ZNF773: variants seen among roughly 807,000 people sequenced by gnomAD.
ZNF773 encodes zinc finger protein 419B.
ZNF773 carries 11 observed loss-of-function variants against 12.8 expected under a neutral mutation model. The ratio of observed to expected loss-of-function variants is 0.86; its 90% confidence interval spans 0.54 to 1.42. ZNF773 has a LOEUF of 1.42. Among genes scored for constraint, ZNF773 ranks in the 40% most tolerant of loss-of-function variants. The pLI, the probability that ZNF773 is intolerant of heterozygous loss-of-function variation, is 0.00. For synonymous variants in ZNF773, 175 were observed against 178.4 expected (o/e 0.98, Z 0.15); for missense variants, 518 against 527.2 (o/e 0.98, Z 0.17).
chr19:57,511,287 G>A (rs1273898420), downstream of ZNF773, among the ~76,000 whole-genome samples: 2 of 152,090 alleles, frequency 1.3e-5, no homozygotes, highest in African/African-American at 2.4e-5. Flanking sequence ...TCCTGACCTC[G>A]TGATCTGCCC....
downstream of ZNF773, among the ~76,000 whole-genome samples, chr19:57,511,472 T>C (rs538318843): frequency 3.9e-5 from 6 of 152,292 alleles, no homozygotes; most frequent in East Asian, 1.9e-4. Context: ...CAGAAGAGAA[T>C]AGAGAACCCG....
chr19:57,507,811 A>G lies in ZNF773; in HGVS notation c.*387A>G, dbSNP rs1242312833. 3.1e-6 allele frequency: 2 copies of G among 646,240 alleles called. No individual in the cohort carries two copies. Among genetic ancestry groups the G allele is most frequent in the Non-Finnish European group, 2.0e-6 (1 of 511,428 alleles). The allele number at this position is 646,240 out of a possible 1,614,324, so 40.0% of individuals were successfully genotyped here. On this transcript the variant is annotated 3_prime_UTR_variant, in exon 4 of 4. Transcript: ENST00000282292. The stretch of plus-strand genomic sequence containing the variant: ...AACACAATGAAACCACATCTCTACT[A>G]AAAATACAAAAATTTACTGGGCATG...
chr19:57,511,862 G>A (rs2089798582), downstream of ZNF773, among the ~76,000 whole-genome samples: 1 of 144,486 alleles, frequency 6.9e-6, no homozygotes, highest in South Asian at 2.1e-4. Context: ...AGCAAAAACA[G>A]CATAGATAAA....
At chr19:57,500,684 C>G (rs2089659509) in intron 1 of ZNF773, among the ~76,000 whole-genome samples, 1 of 152,122 alleles carries the variant, frequency 6.6e-6, no homozygotes, top group African/African-American at 2.4e-5. Context: ...AAGAGCCATT[C>G]TGGATTTTTA....
chr19:57,511,973 A>G (rs1568583883), downstream of ZNF773, among the ~76,000 whole-genome samples: 3 of 152,210 alleles, frequency 2.0e-5, no homozygotes, highest in Non-Finnish European at 4.4e-5. Context: ...AGAGTAAAAG[A>G]ATGCAGATCA....
chr19:57,517,954 T>C (rs1487057149), downstream of ZNF773: 1 of 153,532 alleles, frequency 6.5e-6, no homozygotes, highest in Non-Finnish European at 1.5e-5. Flanking sequence ...AATAATGTTA[T>C]TATGTTTCTG....
downstream of ZNF773, among the ~76,000 whole-genome samples, chr19:57,510,877 A>T (rs1455742975): frequency 2.7e-5 from 4 of 149,922 alleles, no homozygotes; most frequent in Admixed American, 6.7e-5. Context: ...TGAATCTGAG[A>T]TTTAATATTT....
chr19:57,514,345 T>A (rs2089818715), downstream of ZNF773: 1 of 152,228 alleles, frequency 6.6e-6, no homozygotes, highest in African/African-American at 2.4e-5. Flanking sequence ...TCAGGGGACA[T>A]TAATTGGCTG....
At chr19:57,506,259 TCC>T (rs1354806768) in intron 3 of ZNF773, 97 bp from the exon 4 acceptor site, 1 of 1,526,438 alleles carries the variant, frequency 6.6e-7, no homozygotes, top group African/African-American at 1.4e-5. Flanking sequence ...CTGCAAGCAG[TCC>T]CACACGCTAA....
intron 1 of ZNF773, among the ~76,000 whole-genome samples, chr19:57,501,186 A>G (rs546651948): frequency 6.4e-4 from 97 of 152,214 alleles, no homozygotes; most frequent in African/African-American, 2.2e-3. Flanking sequence ...CTGCTCCAGT[A>G]GAAGGGAGGG....
rs1238841318 is a variant in ZNF773, at chr19:57,504,778, C to A, written c.155C>A (p.Ala52Asp). The change falls in exon 2 of 4, where the codon GCC becomes GAC. Residue 52 changes from alanine (A) to aspartate (D), a missense_variant. By Grantham distance (126) the Ala-to-Asp change is moderately radical (BLOSUM62 -2). Transcript: ENST00000282292. ...NVMLENFTLL[A>D]SLGLASSKTH... ...ATGCTGGAGAACTTTACACTTCTGGCCTCTCTGGGTAAGGTTCTCACACCC... is the reference window on the plus strand; with the variant it reads ...ATGCTGGAGAACTTTACACTTCTGGACTCTCTGGGTAAGGTTCTCACACCC... 5 of 1,613,170 alleles carry A rather than the reference C, an allele frequency of 3.1e-6. No individual in the cohort carries two copies. The highest frequency in any genetic ancestry group is 4.2e-6 in the Non-Finnish European group (5 of 1,179,740).
chr19:57,505,492 A>G, intron 3 of ZNF773, 92 bp downstream of exon 3: 1 of 1,410,048 alleles, frequency 7.1e-7, no homozygotes. Flanking sequence ...ATATTTTGAT[A>G]CCAAGGCAAG....
intron 1 of ZNF773, among the ~76,000 whole-genome samples, chr19:57,503,517 T>C (rs913562094): frequency 1.3e-5 from 2 of 152,214 alleles, no homozygotes; most frequent in Non-Finnish European, 2.9e-5. Flanking sequence ...AGGCAGGCAC[T>C]GCTGCTTATT....
intron 1 of ZNF773, 127 bp from the exon 2 acceptor site, chr19:57,504,530 T>C (rs1462789754): frequency 1.4e-5 from 20 of 1,407,606 alleles, no homozygotes; most frequent in East Asian, 6.9e-5. Context: ...GCATCAGTGG[T>C]TCTGGGGCAG....
chr19:57,503,455 T>A (rs2089691706), intron 1 of ZNF773, among the ~76,000 whole-genome samples: 1 of 152,104 alleles, frequency 6.6e-6, no homozygotes. Flanking sequence ...CCTGTGGGGA[T>A]AGACATGAGA....
chr19:57,512,257 AAT>A, downstream of ZNF773, among the ~76,000 whole-genome samples: 1 of 152,306 alleles, frequency 6.6e-6, no homozygotes, highest in African/African-American at 2.4e-5. Context: ...CATAATACAA[AAT>A]ATATGTAGGT....
chr19:57,504,660 G>A lies in ZNF773; in HGVS notation c.37G>A (p.Gly13Ser), dbSNP rs751996982. The change falls in exon 2 of 4, where the codon GGC (glycine) becomes AGC (serine). Residue 13 changes from glycine (G) to serine (S), a missense_variant. By Grantham distance (56) the Gly-to-Ser change is moderately conservative (BLOSUM62 0). Transcript: ENST00000282292. The stretch of plus-strand genomic sequence containing the variant: ...AACTCAACTCTGTCCATCTTAGCAG[G>A]GCTATGTGACCTTTGAGGACGTGGC... ...AATLRDPAQQ[G>S]YVTFEDVAVY... is the part of the protein sequence containing the mutation. 7 of 1,614,048 alleles carry A rather than the reference G, an allele frequency of 4.3e-6. No homozygotes were observed. Among genetic ancestry groups the A allele is most frequent in the Non-Finnish European group, 5.9e-6 (7 of 1,179,998 alleles).
downstream of ZNF773, among the ~76,000 whole-genome samples, chr19:57,510,395 C>T (rs1429738849): frequency 7.2e-6 from 1 of 139,742 alleles, no homozygotes; most frequent in Non-Finnish European, 1.7e-5. Context: ...TGATACAGCA[C>T]ATCTATGAAA....
At chr19:57,505,720 T>G (rs1429107513) in intron 3 of ZNF773, among the ~76,000 whole-genome samples, 1 of 150,176 alleles carries the variant, frequency 6.7e-6, no homozygotes, top group Non-Finnish European at 1.5e-5. Flanking sequence ...TTGTTTTTTT[T>G]TTTTTTTTTT....
Sources: allele counts gnomAD v4.1 joint callset (sites outside exome capture counted in the v4.1 genomes callset), GRCh38; gene constraint gnomAD v4.1.1; transcripts MANE v1.5; gene names NCBI Gene and HGNC (gene_info 2026-07-23, HGNC 2026-07-21).